The following PPP1R36 variants were observed in gnomAD, a reference collection of about 807,000 sequenced individuals.
The protein encoded by PPP1R36 is protein phosphatase 1 regulatory subunit 36, also known as chromosome 14 open reading frame 50.
In PPP1R36, 47 loss-of-function variants were observed where a neutral mutation model predicts 53.4. The ratio of observed to expected loss-of-function variants is 0.88; its 90% CI spans 0.70 to 1.12. PPP1R36 has a LOEUF of 1.12. Ranked by LOEUF, PPP1R36 falls within the 50% of genes most tolerant of loss-of-function variation. The pLI, the probability that PPP1R36 is intolerant of heterozygous loss-of-function variation, is 0.00. For missense variants in PPP1R36, 456 were observed against 513.9 expected, an observed-to-expected ratio of 0.89 and a Z score of 1.09; for synonymous variants, 153 against 170.5, an observed-to-expected ratio of 0.90 and a Z score of 0.80.
intron 6 of PPP1R36, among the ~76,000 whole-genome samples, chr14:64,566,442 CAAA>C (rs55703167): frequency 2.6e-4 from 35 of 133,434 alleles, no homozygotes; most frequent in Non-Finnish European, 2.3e-4. Context: ...GACTCCCTCT[CAAA>C]AAAAAAAAAA....
At chr14:64,574,879 T>C (rs1416397210) in intron 8 of PPP1R36, among the ~76,000 whole-genome samples, 10 of 152,218 alleles carry the variant, frequency 6.6e-5, no homozygotes, top group Admixed American at 5.2e-4. Flanking sequence ...CAGGAAGGGC[T>C]CTTGCTGCCA....
intron 6 of PPP1R36, among the ~76,000 whole-genome samples, chr14:64,566,089 G>GA (rs1475487001): frequency 6.6e-6 from 1 of 152,178 alleles, no homozygotes; most frequent in East Asian, 1.9e-4. Flanking sequence ...CCAACGTGGT[G>GA]AAACCCCGTC....
chr14:64,586,667 GAAT>G, intron 8 of PPP1R36, 167 bp from the exon 9 acceptor site: 1 of 514,642 alleles, frequency 1.9e-6, no homozygotes, highest in Middle Eastern at 5.2e-4. Context: ...GTAGGAGGTT[GAAT>G]AAGAAAGTAT....
intron 8 of PPP1R36, among the ~76,000 whole-genome samples, chr14:64,576,497 A>C (rs1221014967): frequency 6.6e-6 from 1 of 152,182 alleles, no homozygotes; most frequent in East Asian, 1.9e-4. Context: ...TTAGTTTATA[A>C]AGTTAAAAAA....
rs1326751835 is a variant in PPP1R36, at chr14:64,550,928, G to A, written c.77G>A (p.Gly26Glu). 3 of 1,607,682 alleles carry A rather than the reference G, an allele frequency of 1.9e-6. No individual in the cohort carries two copies. The highest frequency in any genetic ancestry group is 3.3e-4 in the Middle Eastern group (2 of 6,036). The change falls in exon 2 of 12, where the codon GGA becomes GAA. Residue 26 changes from glycine (G) to glutamate (E), a missense_variant. Transcript: ENST00000298705. ...AATCATTTCGTTTTACAGCAGTTGG[G>A]ATTACGATTAGGGATGTGGTACTGG... The part of the protein sequence containing the change: ...GQTPYLMDQL[G>E]LRLGMWYWKD...
chr14:64,583,136 C>T (rs1212680052), intron 8 of PPP1R36, among the ~76,000 whole-genome samples: 1 of 150,254 alleles, frequency 6.7e-6, no homozygotes, highest in Non-Finnish European at 1.5e-5. Context: ...TGGTCTTGAA[C>T]TCCTGAGCTC....
At chr14:64,571,184 G>A (rs1291602833) in intron 7 of PPP1R36, among the ~76,000 whole-genome samples, 3 of 152,162 alleles carry the variant, frequency 2.0e-5, no homozygotes, top group Non-Finnish European at 2.9e-5. Flanking sequence ...GGAGTGCAGT[G>A]GCACAATCTC....
At chr14:64,585,442 G>T (rs2080424386) in intron 8 of PPP1R36, among the ~76,000 whole-genome samples, 2 of 151,210 alleles carry the variant, frequency 1.3e-5, no homozygotes, top group Admixed American at 1.3e-4. Flanking sequence ...CCTAAGCCTG[G>T]GGAGGTCAGG....
chr14:64,557,532 A>G (rs1033899816), intron 3 of PPP1R36, among the ~76,000 whole-genome samples: 4 of 152,198 alleles, frequency 2.6e-5, no homozygotes, highest in African/African-American at 9.6e-5. Flanking sequence ...GTCATTTGGT[A>G]TTCAAATGTC....
intron 1 of PPP1R36, 30 bp downstream of exon 1, chr14:64,550,096 C>CG (rs1354931222): frequency 6.5e-7 from 1 of 1,547,098 alleles, no homozygotes; most frequent in Admixed American, 2.0e-5. Flanking sequence ...CCCCCATACC[C>CG]GGGCTGGGCG....
rs1443961439 is a variant in PPP1R36 at position 64,589,286 on chromosome 14, C to T, written c.1217C>T (p.Thr406Ile). The change falls in exon 12 of 12, where the codon ACA becomes ATA. Residue 406 changes from threonine to isoleucine, a missense_variant. Physicochemically the swap from Thr to Ile is moderately conservative, Grantham distance 89 (BLOSUM62 -1). Transcript: ENST00000298705. ...AACAATAACATGAGGATTCAGGATA[C>T]ACTGGACTTGGTCATGAAAACACTG... ...MENNNMRIQD[T>I]LDLVMKTLSS... 20 of 1,613,836 alleles carry T rather than the reference C, an allele frequency of 1.2e-5. No individual in the cohort carries two copies. Among genetic ancestry groups the T allele is most frequent in the Non-Finnish European group, 1.6e-5 (19 of 1,179,860 alleles).
intron 8 of PPP1R36, among the ~76,000 whole-genome samples, chr14:64,574,868 C>A (rs1355876017): frequency 1.3e-5 from 2 of 152,182 alleles, no homozygotes; most frequent in Admixed American, 1.3e-4. Context: ...TTGCTCTCAA[C>A]CAGGAAGGGC....
At chr14:64,585,653 G>C (rs572916392) in intron 8 of PPP1R36, among the ~76,000 whole-genome samples, 2 of 152,188 alleles carry the variant, frequency 1.3e-5, no homozygotes, top group Non-Finnish European at 2.9e-5. Flanking sequence ...AGGATTGGGA[G>C]GTGGGAGGAT....
Position 64,556,762 on chromosome 14 carries a change from A to ATTGTGTGTG in PPP1R36, c.182+3902_182+3903insTGTGTGTGT, listed in dbSNP as rs1555351248. Among the ~76,000 whole-genome samples, 13 of 133,970 alleles carry ATTGTGTGTG rather than the reference A, an allele frequency of 9.7e-5. No homozygotes were observed. The South Asian group carries it at 1.6e-3, about 17-fold the overall frequency. The allele number at this position is 133,970 out of a possible 152,430, so 87.9% of individuals were successfully genotyped here. A position where few individuals can be genotyped will look rare whatever the true frequency, so the allele number is the denominator to read the frequency against. Reference sequence around the variant, plus strand: ...TAGAGTGAGACCCAATCTCCAAAAAATGTGTGTGTGTGTGTGTGTGTGTGT... The same window carrying ATTGTGTGTG: ...TAGAGTGAGACCCAATCTCCAAAAAATTGTGTGTGTGTGTGTGTGTGTGTGTGTGTGTGT... On this transcript the variant is annotated intron_variant, in intron 3 of 11. Transcript: ENST00000298705.
At chr14:64,566,994 T>C (rs1317851858) in intron 6 of PPP1R36, among the ~76,000 whole-genome samples, 1 of 152,238 alleles carries the variant, frequency 6.6e-6, no homozygotes, top group East Asian at 1.9e-4. Flanking sequence ...CCTGTCTCAT[T>C]TCCCCACTTT....
chr14:64,579,309 A>G (rs1214488236), intron 8 of PPP1R36, among the ~76,000 whole-genome samples: 1 of 152,254 alleles, frequency 6.6e-6, no homozygotes, highest in East Asian at 1.9e-4. Context: ...AAGAGCATAT[A>G]TAAACTAATG....
Position 64,552,659 on chromosome 14 carries a change from TATA to T in PPP1R36, c.135-152_135-150del, listed in dbSNP as rs1320580563. 2.2e-5 allele frequency: 13 copies of T among 601,668 alleles called. No individual in the cohort carries two copies. In the African/African-American group the frequency reaches 2.4e-4, roughly 11 times the overall value. 37.3% of individuals were successfully genotyped at this position (601,668 alleles called of 1,614,324 possible). ...TAGATGTTTATAGTTACATTATAAA[TATA>T]ATGACATGTTTCATGATAATTAAAC... is the stretch of plus-strand genomic sequence containing the variant. On this transcript the variant is annotated intron_variant, in intron 2 of 11. Transcript: ENST00000298705.
At chr14:64,555,577 CAG>C (rs1279508204) in intron 3 of PPP1R36, among the ~76,000 whole-genome samples, 1 of 152,090 alleles carries the variant, frequency 6.6e-6, no homozygotes, top group Non-Finnish European at 1.5e-5. Flanking sequence ...TTAAAAACAT[CAG>C]TGAGTACCTG....
chr14:64,586,696 A>G (rs950101268), intron 8 of PPP1R36, 141 bp from the exon 9 acceptor site: 18 of 574,616 alleles, frequency 3.1e-5, no homozygotes, highest in Non-Finnish European at 4.7e-5. Flanking sequence ...CTCTTTATCA[A>G]TGCCTTTTGA....
Sources: allele counts gnomAD v4.1 joint callset (sites outside exome capture counted in the v4.1 genomes callset), GRCh38; gene constraint gnomAD v4.1.1; transcripts MANE v1.5; gene names NCBI Gene and HGNC (gene_info 2026-07-23, HGNC 2026-07-21).